PTPN13: variants seen among roughly 807,000 people sequenced by gnomAD.
PTPN13 encodes the protein tyrosine-protein phosphatase non-receptor type 13.
In PTPN13, 191 loss-of-function variants were observed where a neutral mutation model predicts 284.0. That is an observed-to-expected ratio of 0.67 (90% CI 0.60 to 0.76). The LOEUF (loss-of-function observed/expected upper bound fraction) is 0.76. Among genes scored for constraint, PTPN13 ranks in the 30% least tolerant of loss-of-function variants. The pLI, the probability that PTPN13 is intolerant of heterozygous loss-of-function variation, is 0.00. For missense variants in PTPN13, 2,797 were observed against 2,939.9 expected (o/e 0.95, Z 1.12); for synonymous variants, 986 against 1,022.3 (o/e 0.96, Z 0.68).
intron 2 of PTPN13, among the ~76,000 whole-genome samples, chr4:86,668,805 C>T (rs1439757741): frequency 7.6e-6 from 1 of 131,766 alleles, no homozygotes; most frequent in East Asian, 2.2e-4. Flanking sequence ...CGGGGTTTCT[C>T]TATGTTGGCC....
At chr4:86,812,714 C>T (rs956618486) in intron 47 of PTPN13, among the ~76,000 whole-genome samples, 1 of 151,810 alleles carries the variant, frequency 6.6e-6, no homozygotes, top group African/African-American at 2.4e-5. Context: ...GCCAATGTGG[C>T]GGGCAGGGCA....
At chr4:86,789,501 T>TTC (rs1742368342) in intron 40 of PTPN13, among the ~76,000 whole-genome samples, 15 of 152,284 alleles carry the variant, frequency 9.9e-5, no homozygotes, top group African/African-American at 2.9e-4. Context: ...AAGTTCTTAG[T>TTC]AAGTTTTTAA....
intron 18 of PTPN13, 42 bp downstream of exon 18, chr4:86,750,929 C>G: frequency 1.3e-6 from 2 of 1,582,948 alleles, no homozygotes; most frequent in Non-Finnish European, 1.7e-6. Context: ...TTTGTAAATT[C>G]TACATTTCAT....
Position 86,758,288 on chromosome 4 carries a change from A to G in PTPN13, c.3252A>G (p.Val1084=), listed in dbSNP as rs375774796. Reference sequence around the variant, plus strand: ...TGCTACACAAAAGATGGAGCATAGTATCTTCACCAGAAAGGGAGATCACCT... The same window carrying G: ...TGCTACACAAAAGATGGAGCATAGTGTCTTCACCAGAAAGGGAGATCACCT... The part of the protein sequence containing the change: ...NDVLHKRWSI[V]SSPEREITLV... The change falls in exon 21 of 48, where the codon GTA becomes GTG. Residue 1084 remains valine (V), a synonymous_variant. Coordinates refer to ENST00000411767, the MANE Select transcript of PTPN13 (RefSeq NM_080683.3). The G allele has an allele frequency of 1.1e-4, 180 of 1,611,468 alleles. No homozygotes were observed. The highest frequency in any genetic ancestry group is 1.4e-4 in the Non-Finnish European group (167 of 1,178,446).
chr4:86,752,334 A>G (rs886734500), intron 19 of PTPN13, among the ~76,000 whole-genome samples: 19 of 152,192 alleles, frequency 1.2e-4, no homozygotes, highest in African/African-American at 4.1e-4. Context: ...CTGCATTATA[A>G]TACATAAATA....
At chr4:86,639,952 A>C (rs1395535778) in intron 2 of PTPN13, among the ~76,000 whole-genome samples, 2 of 152,184 alleles carry the variant, frequency 1.3e-5, no homozygotes, top group Non-Finnish European at 2.9e-5. Flanking sequence ...CTAAAGTTTG[A>C]GAACCATTTA....
intron 44 of PTPN13, 25 bp from the exon 45 acceptor site, chr4:86,807,535 C>T (rs759409734): frequency 6.4e-7 from 1 of 1,550,952 alleles, no homozygotes; most frequent in South Asian, 1.2e-5. Flanking sequence ...ATGGATGGCT[C>T]TGTTTTGTGG....
At chr4:86,796,811 A>G (rs559856646) in intron 40 of PTPN13, 63 bp from the exon 41 acceptor site, 1 of 1,077,470 alleles carries the variant, frequency 9.3e-7, no homozygotes, top group Non-Finnish European at 1.4e-6. Flanking sequence ...AACAGGAAAA[A>G]AATAGTATGC....
chr4:86,631,865 A>G (rs1347998747), intron 1 of PTPN13, among the ~76,000 whole-genome samples: 1 of 152,098 alleles, frequency 6.6e-6, no homozygotes, highest in East Asian at 1.9e-4. Context: ...AACCCAATTT[A>G]TTTTTAAAAA....
chr4:86,808,421 T>A (rs984191270), intron 45 of PTPN13, among the ~76,000 whole-genome samples: 5 of 152,258 alleles, frequency 3.3e-5, no homozygotes, highest in African/African-American at 1.2e-4. Flanking sequence ...ATACCTGAAG[T>A]AAAGCTGCTA....
At chr4:86,736,427 C>T (rs1698025420) in intron 15 of PTPN13, among the ~76,000 whole-genome samples, 1 of 152,050 alleles carries the variant, frequency 6.6e-6, no homozygotes, top group Admixed American at 6.6e-5. Context: ...TAGGATGTAA[C>T]AGTATGCCTT....
Position 86,770,149 on chromosome 4 carries a change from C to G in PTPN13, c.4753C>G (p.Leu1585Val), listed in dbSNP as rs1460142632. 2 of 1,613,662 alleles carry G rather than the reference C, an allele frequency of 1.2e-6. No individual in the cohort carries two copies. The highest frequency in any genetic ancestry group is 1.7e-6 in the Non-Finnish European group (2 of 1,179,810). The change falls in exon 30 of 48, where the codon CTC (leucine) becomes GTC (valine). Residue 1585 changes from leucine to valine, a missense_variant. By Grantham distance (32) the Leu-to-Val change is conservative. Coordinates refer to ENST00000411767, the MANE Select transcript of PTPN13 (RefSeq NM_080683.3). ...RGTAPEVFLL[L>V]CRPPPGVLPE... Reference sequence around the variant, plus strand: ...AACTGCTCCAGAAGTATTCTTGCTTCTCTGCAGACCTCCACCTGGTGTGCT... The same window carrying G: ...AACTGCTCCAGAAGTATTCTTGCTTGTCTGCAGACCTCCACCTGGTGTGCT...
chr4:86,789,859 G>C (rs928482834), intron 40 of PTPN13, among the ~76,000 whole-genome samples: 2 of 95,966 alleles, frequency 2.1e-5, no homozygotes, highest in Non-Finnish European at 4.4e-5. Flanking sequence ...TTTTTTTTTT[G>C]AGTAACAGCA....
rs990237667 is a variant in PTPN13, at chr4:86,776,859, T to C, written c.5891+1207T>C. ...CAAAGTATGGTTTCTACCAAATGCATGTCACTTTTACAGTGTCATAAAGCT... is the reference window on the plus strand; with the variant it reads ...CAAAGTATGGTTTCTACCAAATGCACGTCACTTTTACAGTGTCATAAAGCT... On this transcript the variant is annotated intron_variant, in intron 35 of 47. Coordinates refer to ENST00000411767, the MANE Select transcript of PTPN13 (RefSeq NM_080683.3). Among the ~76,000 whole-genome samples the C allele has an allele frequency of 2.6e-5, 4 of 152,276 alleles. No individual in the cohort carries two copies. In the South Asian group the frequency reaches 8.3e-4, roughly 32 times the overall value.
intron 2 of PTPN13, among the ~76,000 whole-genome samples, chr4:86,644,806 T>C (rs1027299830): frequency 3.9e-5 from 6 of 152,166 alleles, no homozygotes; most frequent in African/African-American, 1.4e-4. Context: ...CACAAATCAA[T>C]CAATATAATT....
chr4:86,611,399 C>G (rs896518762), intron 1 of PTPN13, among the ~76,000 whole-genome samples: 2 of 152,110 alleles, frequency 1.3e-5, no homozygotes, highest in African/African-American at 4.8e-5. Context: ...AGATTTGACC[C>G]TACTCTATCA....
chr4:86,651,765 G>T (rs1389027840), intron 2 of PTPN13, among the ~76,000 whole-genome samples: 1 of 151,984 alleles, frequency 6.6e-6, no homozygotes, highest in Admixed American at 6.6e-5. Flanking sequence ...AATTTATTGG[G>T]ATATTGTTTC....
intron 2 of PTPN13, among the ~76,000 whole-genome samples, chr4:86,645,966 A>T (rs539756384): frequency 6.6e-6 from 1 of 152,320 alleles, no homozygotes; most frequent in Admixed American, 6.5e-5. Context: ...ATAAACAACT[A>T]GATCAATTGA....
intron 1 of PTPN13, among the ~76,000 whole-genome samples, chr4:86,603,646 C>T: frequency 6.6e-6 from 1 of 152,096 alleles, no homozygotes; most frequent in East Asian, 1.9e-4. Flanking sequence ...CTCTTAGCAT[C>T]TCTTATACCC....
Sources: gnomAD v4.1 joint callset for allele counts (sites outside exome capture counted in the v4.1 genomes callset) on GRCh38, gnomAD v4.1.1 for gene constraint, MANE v1.5 for transcripts, NCBI Gene and HGNC (gene_info 2026-07-23, HGNC 2026-07-21) for gene names.